Variants in DDIAS observed in about 807,000 individuals in gnomAD.
The protein encoded by DDIAS is DNA damage-induced apoptosis suppressor protein.
In DDIAS, 14 loss-of-function variants were observed where a neutral mutation model predicts 15.7. That is an observed-to-expected ratio of 0.89 (90% CI 0.59 to 1.39). The LOEUF (loss-of-function observed/expected upper bound fraction) is 1.39, where lower values mean the gene tolerates loss of function less well. DDIAS is among the 40% of genes most tolerant of loss of function. DDIAS has a pLI of 0.00. For synonymous variants in DDIAS, 355 were observed against 395.9 expected (o/e 0.90, Z 1.23); for missense variants, 1,035 against 1,130.9 (o/e 0.92, Z 1.22).
intron 3 of DDIAS, among the ~76,000 whole-genome samples, chr11:82,916,805 A>G (rs896566187): frequency 2.4e-4 from 36 of 152,202 alleles, no homozygotes; most frequent in Admixed American, 2.3e-3. Context: ...AGACAACTGA[A>G]GCTTGGGAAA....
chr11:82,910,550 C>T (rs574643289), intron 1 of DDIAS, among the ~76,000 whole-genome samples: 16 of 147,576 alleles, frequency 1.1e-4, no homozygotes, highest in African/African-American at 3.7e-4. Flanking sequence ...GGATTATAGG[C>T]GTGAGCTACC....
chr11:82,914,617 G>T, intron 2 of DDIAS, 106 bp from the exon 3 acceptor site: 1 of 531,802 alleles, frequency 1.9e-6, no homozygotes, highest in South Asian at 2.9e-5. Context: ...TGAAACAAAT[G>T]ACATCTATTA....
chr11:82,930,864 A>C (rs562911299), intron 5 of DDIAS, among the ~76,000 whole-genome samples: 1 of 152,100 alleles, frequency 6.6e-6, no homozygotes, highest in Non-Finnish European at 1.5e-5. Flanking sequence ...TTAAAAGAGG[A>C]CTCCACAACA....
chr11:82,926,892 C>T (rs1860873817), intron 3 of DDIAS, among the ~76,000 whole-genome samples: 1 of 152,086 alleles, frequency 6.6e-6, no homozygotes, highest in South Asian at 2.1e-4. Context: ...TATGTAAATG[C>T]ATGAACACTA....
chr11:82,920,361 G>C (rs550411300), intron 3 of DDIAS, among the ~76,000 whole-genome samples: 2 of 152,006 alleles, frequency 1.3e-5, no homozygotes, highest in Non-Finnish European at 1.5e-5. Context: ...ATTTGTTTTT[G>C]TTTCAATTAC....
At chr11:82,917,888 T>C (rs1034775913) in intron 3 of DDIAS, among the ~76,000 whole-genome samples, 2 of 152,232 alleles carry the variant, frequency 1.3e-5, no homozygotes, top group Non-Finnish European at 2.9e-5. Context: ...TGTATTTCCC[T>C]GGTCATTAGT....
rs2121338024 is a variant in DDIAS, at chr11:82,918,811, T to TTGTTTTTTTTGTGTGG, written c.113+3962_113+3977dup. Among the ~76,000 whole-genome samples the TTGTTTTTTTTGTGTGG allele has an allele frequency of 1.3e-5, 2 of 151,732 alleles. 1 individual carries two copies. Among genetic ancestry groups the TTGTTTTTTTTGTGTGG allele is most frequent in the Non-Finnish European group, 2.9e-5 (2 of 67,978 alleles). On this transcript the variant is annotated intron_variant, in intron 3 of 5. Transcript: ENST00000533655. ...TCCTTGGTTAGGTATCTTCCTAAAT[T>TTGTTTTTTTTGTGTGG]TGTTTTTTTTGTGTGGTTTTTTTTT...
chr11:82,933,614 A>G lies in DDIAS; in HGVS notation c.2276A>G (p.Glu759Gly). Residue 759 changes from glutamate to glycine, a missense_variant, in exon 6 of 6, where the codon GAA (glutamate) becomes GGA (glycine). Physicochemically the swap from Glu to Gly is moderately conservative, Grantham distance 98. Transcript: ENST00000533655. ...ACACCTCATTTTCAATCAGATTCAG[A>G]ATATAATTTTGAAAATAGTCAAGAC... ...SPTPHFQSDS[E>G]YNFENSQDFV... 6.2e-7 allele frequency: 1 copy of G among 1,613,790 alleles called. No homozygotes were observed. Among genetic ancestry groups the G allele is most frequent in the Non-Finnish European group, 8.5e-7 (1 of 1,179,848 alleles).
chr11:82,909,514 A>G (rs7947047), intron 1 of DDIAS, among the ~76,000 whole-genome samples: 71,831 of 152,034 alleles, frequency 0.47, 17,143 homozygotes, highest in African/African-American at 0.53. Context: ...TTGCTTTTTT[A>G]TTCAAACACA....
rs1861004493 is a variant in DDIAS at position 82,932,168 on chromosome 11, T to C, written c.830T>C (p.Ile277Thr). The C allele has an allele frequency of 6.2e-7, 1 of 1,614,028 alleles. No individual in the cohort carries two copies. Residue 277 changes from isoleucine to threonine, a missense_variant, in exon 6 of 6, where the codon ATC (isoleucine) becomes ACC (threonine). Coordinates refer to ENST00000533655, the MANE Select transcript of DDIAS (RefSeq NM_145018.4). ...FGTLQQNRKS[I>T]SIAEATGSSS... Reference sequence around the variant, plus strand: ...ACTCTTCAGCAGAACAGAAAGTCCATCTCCATTGCAGAGGCCACTGGTTCC... The same window carrying C: ...ACTCTTCAGCAGAACAGAAAGTCCACCTCCATTGCAGAGGCCACTGGTTCC...
At position 82,905,373 on chromosome 11, in the gene DDIAS, G is replaced by A. The variant is rs186951913; in HGVS notation, c.-117+3551G>A. On this transcript the variant is annotated intron_variant, in intron 1 of 5. Coordinates refer to ENST00000533655, the MANE Select transcript of DDIAS (RefSeq NM_145018.4). ...ATCCAGCATTTTTATAGTATTTATT[G>A]ATTTTTTTCTAATTATAAAAGCAAT... 5.3e-5 allele frequency among the ~76,000 whole-genome samples: 8 copies of A among 151,666 alleles called. No homozygotes were observed. The East Asian group carries it at 1.6e-3, about 29-fold the overall frequency.
In DDIAS at chr11:82,931,786, T is replaced by G. The variant is rs755349118; in HGVS notation, c.448T>G (p.Cys150Gly). 1 of 1,614,044 alleles carries G rather than the reference T, an allele frequency of 6.2e-7. No homozygotes were observed. The change falls in exon 6 of 6, where the codon TGC becomes GGC. Residue 150 changes from cysteine (C) to glycine (G), a missense_variant. Cys to Gly is a radical substitution (Grantham distance 159, BLOSUM62 -3). Coordinates refer to ENST00000533655, the MANE Select transcript of DDIAS (RefSeq NM_145018.4). ...AGATGCCAGTAACTTCTTACAGCAATGCTCTGACCACAAAAGAAAAGCCAA... is the reference window on the plus strand; with the variant it reads ...AGATGCCAGTAACTTCTTACAGCAAGGCTCTGACCACAAAAGAAAAGCCAA... Reference protein sequence around the residue: ...GSDASNFLQQCSDHKRKAKAL... With the variant: ...GSDASNFLQQGSDHKRKAKAL...
At chr11:82,920,414 G>T (rs1049530862) in intron 3 of DDIAS, among the ~76,000 whole-genome samples, 1 of 152,030 alleles carries the variant, frequency 6.6e-6, no homozygotes, top group Non-Finnish European at 1.5e-5. Context: ...TTCTTCTGCT[G>T]GGTTTCGGTT....
intron 3 of DDIAS, among the ~76,000 whole-genome samples, chr11:82,917,941 A>G (rs1860663754): frequency 6.6e-6 from 1 of 152,012 alleles, no homozygotes. Flanking sequence ...CCATTTGAGA[A>G]TTGTCTATTT....
At position 82,914,819 on chromosome 11, in the gene DDIAS, G is replaced by T. The variant is rs1590802621; in HGVS notation, c.81G>T (p.Lys27Asn). The T allele has an allele frequency of 6.2e-7, 1 of 1,603,254 alleles. No homozygotes were observed. The highest frequency in any genetic ancestry group is 1.1e-5 in the South Asian group (1 of 90,674). The change falls in exon 3 of 6, where the codon AAG becomes AAT. Residue 27 changes from lysine to asparagine, a missense_variant. Physicochemically the swap from Lys to Asn is moderately conservative, Grantham distance 94 (BLOSUM62 0). Coordinates refer to ENST00000533655, the MANE Select transcript of DDIAS (RefSeq NM_145018.4). ...NSSFIYPSCQKCFSRIILVSK... is the reference protein window; with the variant it reads ...NSSFIYPSCQNCFSRIILVSK... ...GTTTTATATATCCATCATGTCAGAA[G>T]TGCTTCTCTAGGATAATCCTGGTCT...
chr11:82,926,745 T>G (rs1860870365), intron 3 of DDIAS, among the ~76,000 whole-genome samples: 2 of 152,210 alleles, frequency 1.3e-5, no homozygotes, highest in African/African-American at 4.8e-5. Context: ...ATATTAATGT[T>G]TGAGAAGCTC....
chr11:82,924,684 A>G (rs754186560), intron 3 of DDIAS, among the ~76,000 whole-genome samples: 8 of 152,100 alleles, frequency 5.3e-5, no homozygotes, highest in Non-Finnish European at 8.8e-5. Context: ...GCATCGTGGC[A>G]TGTGCCTGTA....
chr11:82,934,034 A>C lies in DDIAS; in HGVS notation c.2696A>C (p.Glu899Ala), dbSNP rs955743436. The C allele has an allele frequency of 1.9e-6, 3 of 1,613,778 alleles. No homozygotes were observed. In the African/African-American group the frequency reaches 4.0e-5, roughly 22 times the overall value. The part of the protein sequence containing the change: ...LAAYHFPDQQ[E>A]LPRKKLKHIR... ...GCCTATCATTTCCCTGATCAACAAG[A>C]GTTACCAAGAAAGAAACTGAAACAT... The change falls in exon 6 of 6, where the codon GAG becomes GCG. Residue 899 changes from glutamate (E) to alanine (A), a missense_variant. Glu to Ala is a moderately radical substitution (Grantham distance 107). Transcript: ENST00000533655.
At chr11:82,928,552 A>G (rs1335566803) in intron 3 of DDIAS, among the ~76,000 whole-genome samples, 1 of 152,080 alleles carries the variant, frequency 6.6e-6, no homozygotes, top group Non-Finnish European at 1.5e-5. Flanking sequence ...TCAATTTGGT[A>G]TGTATTTCTA....
Sources: allele counts gnomAD v4.1 joint callset (sites outside exome capture counted in the v4.1 genomes callset), GRCh38; gene constraint gnomAD v4.1.1; transcripts MANE v1.5; gene names NCBI Gene and HGNC (gene_info 2026-07-23, HGNC 2026-07-21).